Variants in SLIT3 observed in about 807,000 individuals in gnomAD.
SLIT3 encodes slit guidance ligand 3.
In SLIT3, 68 loss-of-function variants were observed where a neutral mutation model predicts 184.0. That is an observed-to-expected ratio of 0.37 (90% CI 0.30 to 0.45). The LOEUF (loss-of-function observed/expected upper bound fraction) is 0.45. Ranked by LOEUF, SLIT3 falls within the 20% of genes least tolerant of loss-of-function variation. The pLI is 1.00. For synonymous variants in SLIT3, 831 were observed against 828.6 expected (o/e 1.00, Z -0.05); for missense variants, 1,707 against 2,026.0 (o/e 0.84, Z 3.02).
chr5:169,073,406 G>T (rs975852417), intron 4 of SLIT3, among the ~76,000 whole-genome samples: 6 of 151,616 alleles, frequency 4.0e-5, no homozygotes, highest in African/African-American at 1.5e-4. Flanking sequence ...TCTGTCATTC[G>T]TTCTCATCTT....
chr5:168,878,567 A>G (rs1391734778), intron 5 of SLIT3, among the ~76,000 whole-genome samples: 2 of 152,214 alleles, frequency 1.3e-5, no homozygotes, highest in Admixed American at 6.5e-5. Flanking sequence ...GTCCATGGCG[A>G]AAGTCCAAAA....
At chr5:169,170,271 G>T (rs1762776119) in intron 4 of SLIT3, among the ~76,000 whole-genome samples, 1 of 152,136 alleles carries the variant, frequency 6.6e-6, no homozygotes, top group South Asian at 2.1e-4. Flanking sequence ...CCATGATGTT[G>T]GTCCCATCTA....
chr5:169,035,603 C>T (rs1386811192), intron 4 of SLIT3, among the ~76,000 whole-genome samples: 1 of 146,540 alleles, frequency 6.8e-6, no homozygotes, highest in African/African-American at 2.6e-5. Context: ...GAGCCAAGAT[C>T]GCACCACTGC....
intron 20 of SLIT3, among the ~76,000 whole-genome samples, chr5:168,743,610 C>A (rs566681171): frequency 1.3e-5 from 2 of 152,192 alleles, no homozygotes; most frequent in African/African-American, 2.4e-5. Context: ...AACCCTACAA[C>A]GGCCTCTAAG....
chr5:168,838,777 C>T (rs1758143416), intron 6 of SLIT3, among the ~76,000 whole-genome samples: 1 of 152,154 alleles, frequency 6.6e-6, no homozygotes, highest in African/African-American at 2.4e-5. Flanking sequence ...CACTCTTCTG[C>T]GTCTACCTGT....
chr5:169,122,303 T>G (rs1760911254), intron 4 of SLIT3, among the ~76,000 whole-genome samples: 1 of 152,194 alleles, frequency 6.6e-6, no homozygotes, highest in Admixed American at 6.5e-5. Flanking sequence ...ATTTGGTTGC[T>G]CATAAAATGG....
In SLIT3 at chr5:168,768,588, C is replaced by A. The variant is rs372985004; in HGVS notation, c.1459+4193G>T. Among the ~76,000 whole-genome samples the A allele has an allele frequency of 6.8e-4, 103 of 152,314 alleles. 1 individual carries two copies. In the South Asian group the frequency reaches 0.015, roughly 21 times the overall value. On this transcript the variant is annotated intron_variant, in intron 14 of 35. Transcript: ENST00000519560. Reference sequence around the variant, plus strand: ...ATTGAGCCTCTAAACTCCATTCAGTCACACCAGTTGGTCTGACAAGACATT... The same window carrying A: ...ATTGAGCCTCTAAACTCCATTCAGTAACACCAGTTGGTCTGACAAGACATT...
chr5:169,077,711 A>G (rs765996912), intron 4 of SLIT3, among the ~76,000 whole-genome samples: 1 of 152,160 alleles, frequency 6.6e-6, no homozygotes, highest in Non-Finnish European at 1.5e-5. Context: ...CACCACCCCA[A>G]ACCCCTGTGT....
At chr5:169,221,000 C>A (rs181390310) in intron 3 of SLIT3, among the ~76,000 whole-genome samples, 1 of 152,192 alleles carries the variant, frequency 6.6e-6, no homozygotes, top group African/African-American at 2.4e-5. Flanking sequence ...TCTGGTTTCT[C>A]GAGACAAAGT....
chr5:169,239,699 T>C (rs1459980786), intron 3 of SLIT3, among the ~76,000 whole-genome samples: 3 of 152,050 alleles, frequency 2.0e-5, no homozygotes, highest in Non-Finnish European at 4.4e-5. Context: ...TCTGTAATTT[T>C]AGTTGCTTCA....
intron 5 of SLIT3, among the ~76,000 whole-genome samples, chr5:168,850,248 A>G (rs914669873): frequency 6.6e-6 from 1 of 152,244 alleles, no homozygotes; most frequent in Non-Finnish European, 1.5e-5. Flanking sequence ...GGCTACTGTA[A>G]TTCTACATTA....
rs1561865392 is a variant in SLIT3 at position 168,669,904 on chromosome 5, C to G, written c.4215G>C (p.Lys1405Asn). 1 of 1,614,214 alleles carries G rather than the reference C, an allele frequency of 6.2e-7. No homozygotes were observed. The highest frequency in any genetic ancestry group is 1.1e-5 in the South Asian group (1 of 91,092). The change falls in exon 35 of 36, where the codon AAG becomes AAC. Residue 1405 changes from lysine to asparagine, a missense_variant. Around this residue, in one of 3 missense-constraint regions of SLIT3, gnomAD observed 387 missense variants for 477.9 expected, o/e 0.81. Transcript: ENST00000519560. Reference sequence around the variant, plus strand: ...CTGAGCAGGCATTGGCAGAGTCATTCTTGTTGTCACACAAGTCCCCTCCAT... The same window carrying G: ...CTGAGCAGGCATTGGCAGAGTCATTGTTGTTGTCACACAAGTCCCCTCCAT... ...EGYGGDLCDN[K>N]NDSANACSAF...
At chr5:168,776,015 G>C (rs1044053094) in intron 12 of SLIT3, among the ~76,000 whole-genome samples, 1 of 152,210 alleles carries the variant, frequency 6.6e-6, no homozygotes, top group African/African-American at 2.4e-5. Flanking sequence ...ACTGGGGGAA[G>C]GGGAAAATAA....
At chr5:169,056,124 A>C (rs908373897) in intron 4 of SLIT3, among the ~76,000 whole-genome samples, 1 of 152,114 alleles carries the variant, frequency 6.6e-6, no homozygotes, top group Non-Finnish European at 1.5e-5. Context: ...GGCTCGGAGG[A>C]GGCAGTGGAG....
chr5:169,197,824 C>A (rs897354379), intron 3 of SLIT3, among the ~76,000 whole-genome samples: 2 of 152,010 alleles, frequency 1.3e-5, no homozygotes, highest in African/African-American at 4.8e-5. Flanking sequence ...AAAAAAAAAC[C>A]AACTGGCTGC....
At chr5:169,163,045 G>A (rs1762526646) in intron 4 of SLIT3, among the ~76,000 whole-genome samples, 1 of 152,048 alleles carries the variant, frequency 6.6e-6, no homozygotes, top group Admixed American at 6.6e-5. Context: ...AAAAGGGGCT[G>A]GGCACGGTGG....
chr5:169,088,955 G>T (rs900589639), intron 4 of SLIT3, among the ~76,000 whole-genome samples: 2 of 139,828 alleles, frequency 1.4e-5, no homozygotes, highest in African/African-American at 5.3e-5. Flanking sequence ...GGGAGGCAGA[G>T]GTTGCAGTGA....
intron 4 of SLIT3, among the ~76,000 whole-genome samples, chr5:169,014,659 A>T (rs1268216857): frequency 6.6e-6 from 1 of 152,230 alleles, no homozygotes; most frequent in Non-Finnish European, 1.5e-5. Flanking sequence ...GAGCATTAAG[A>T]AGCAACCTCA....
intron 3 of SLIT3, among the ~76,000 whole-genome samples, chr5:169,243,340 A>G (rs754164748): frequency 2.6e-5 from 4 of 152,242 alleles, no homozygotes; most frequent in Non-Finnish European, 4.4e-5. Context: ...CAGGTTCAAC[A>G]AATACTTTTA....
Sources: gnomAD v4.1 joint callset for allele counts (sites outside exome capture counted in the v4.1 genomes callset) on GRCh38, gnomAD v4.1.1 for gene constraint, gnomAD v4.1.1 regional missense constraint, MANE v1.5 for transcripts, NCBI Gene and HGNC (gene_info 2026-07-23, HGNC 2026-07-21) for gene names.